The following CELF4 variants were observed in gnomAD, a reference collection of about 807,000 sequenced individuals.
The protein encoded by CELF4 is CUGBP Elav-like family member 4, also known as CUG-BP- and ETR-3-like factor 4.
Under a neutral mutation model 59.9 loss-of-function variants are expected in CELF4, and 18 were observed. The observed-to-expected ratio is 0.30, with a 90% confidence interval of 0.21 to 0.45. CELF4 has a LOEUF of 0.45. Ranked by LOEUF, CELF4 falls within the 20% of genes least tolerant of loss-of-function variation. CELF4 has a pLI of 1.00. For synonymous variants in CELF4, 261 were observed against 267.1 expected, an observed-to-expected ratio of 0.98 and a Z score of 0.22; for missense variants, 456 against 689.0, an observed-to-expected ratio of 0.66 and a Z score of 3.79.
chr18:37,494,029 GA>G (rs2099922022), intron 1 of CELF4, among the ~76,000 whole-genome samples: 1 of 152,146 alleles, frequency 6.6e-6, no homozygotes, highest in African/African-American at 2.4e-5. Context: ...AATCTCCCAG[GA>G]AAGGGACCAA....
intron 1 of CELF4, among the ~76,000 whole-genome samples, chr18:37,524,171 T>TGA (rs2099960828): frequency 6.6e-6 from 1 of 152,186 alleles, no homozygotes; most frequent in Admixed American, 6.5e-5. Flanking sequence ...GAATGAGTCA[T>TGA]ATCTGGTTGG....
chr18:37,510,579 CTTACAGAATGAAACTCGA>C (rs2099943111), intron 1 of CELF4, among the ~76,000 whole-genome samples: 1 of 152,352 alleles, frequency 6.6e-6, no homozygotes, highest in African/African-American at 2.4e-5. Flanking sequence ...GAGCTCTCCA[CTTACAGAATGAAACTCGA>C]CTTGCCCTTG....
intron 1 of CELF4, among the ~76,000 whole-genome samples, chr18:37,503,961 A>G (rs2154603991): frequency 6.6e-6 from 1 of 152,300 alleles, no homozygotes; most frequent in East Asian, 1.9e-4. Context: ...AACCAGATTC[A>G]GGGCCAAGAG....
chr18:37,272,976 C>G, intron 7 of CELF4, 40 bp downstream of exon 7: 1 of 1,571,078 alleles, frequency 6.4e-7, no homozygotes, highest in Non-Finnish European at 8.7e-7. Flanking sequence ...CAGCTGTTCT[C>G]CCACCGGGCC....
rs144937111 is a variant in CELF4 at position 37,434,939 on chromosome 18, G to A, written c.369+50586C>T. On this transcript the variant is annotated intron_variant, in intron 2 of 12. Coordinates refer to ENST00000420428, the MANE Select transcript of CELF4 (RefSeq NM_020180.4). ...GGCATCTTGTCTTCCCTATTGCAGG[G>A]GGAAATTCAGATCTTTTGACTACCC... 2.1e-3 allele frequency among the ~76,000 whole-genome samples: 319 copies of A among 152,246 alleles called. 5 individuals carry two copies. Among genetic ancestry groups the A allele is most frequent in the African/African-American group, 7.3e-3 (303 of 41,566 alleles).
intron 1 of CELF4, among the ~76,000 whole-genome samples, chr18:37,493,663 T>G (rs1603642604): frequency 2.1e-5 from 3 of 140,650 alleles, no homozygotes; most frequent in Non-Finnish European, 3.1e-5. Context: ...AGGGTGGGGG[T>G]GATGGGGACT....
chr18:37,417,246 T>C (rs571994878), intron 2 of CELF4, among the ~76,000 whole-genome samples: 91 of 151,360 alleles, frequency 6.0e-4, no homozygotes, highest in African/African-American at 2.1e-3. Flanking sequence ...GTCTGGGGGG[T>C]AAACATGCCC....
chr18:37,528,439 G>T (rs1481761410), intron 1 of CELF4, among the ~76,000 whole-genome samples: 3 of 152,296 alleles, frequency 2.0e-5, no homozygotes, highest in African/African-American at 7.2e-5. Context: ...TCTTATCGGT[G>T]GGGGGTCTGG....
At chr18:37,526,049 C>T (rs943349443) in intron 1 of CELF4, among the ~76,000 whole-genome samples, 2 of 152,206 alleles carry the variant, frequency 1.3e-5, no homozygotes, top group African/African-American at 4.8e-5. Flanking sequence ...TTGAGCACCA[C>T]TGACCTCAAT....
At chr18:37,371,456 G>A (rs2098876864) in intron 2 of CELF4, among the ~76,000 whole-genome samples, 2 of 152,198 alleles carry the variant, frequency 1.3e-5, no homozygotes, top group African/African-American at 2.4e-5. Context: ...GCCCTTTGTG[G>A]CCATCTTGCC....
At chr18:37,548,013 C>T (rs889376963) in intron 1 of CELF4, among the ~76,000 whole-genome samples, 1 of 151,496 alleles carries the variant, frequency 6.6e-6, no homozygotes, top group East Asian at 1.9e-4. Flanking sequence ...ATATGAATGC[C>T]TATTTCTGAG....
At chr18:37,327,142 G>T (rs553669198) in intron 2 of CELF4, among the ~76,000 whole-genome samples, 1 of 152,092 alleles carries the variant, frequency 6.6e-6, no homozygotes, top group Admixed American at 6.5e-5. Context: ...AGGCCAAGCT[G>T]CTCTTTCCTG....
intron 3 of CELF4, among the ~76,000 whole-genome samples, chr18:37,278,934 T>A (rs1306341738): frequency 6.6e-6 from 1 of 152,202 alleles, no homozygotes; most frequent in Non-Finnish European, 1.5e-5. Context: ...TCAAGCTGCA[T>A]CACATAACCA....
chr18:37,388,003 C>T (rs2099117531), intron 2 of CELF4, among the ~76,000 whole-genome samples: 1 of 151,932 alleles, frequency 6.6e-6, no homozygotes. Context: ...CCCTCTGTGG[C>T]CTTTATTGTC....
chr18:37,451,551 G>A (rs1191080545), intron 2 of CELF4, among the ~76,000 whole-genome samples: 1 of 152,176 alleles, frequency 6.6e-6, no homozygotes, highest in Admixed American at 6.5e-5. Flanking sequence ...GTATGTGTGT[G>A]TGTGTCTGTG....
intron 3 of CELF4, among the ~76,000 whole-genome samples, chr18:37,312,118 AAAAAAAAAAAAAG>A (rs2096684663): frequency 8.4e-6 from 1 of 119,228 alleles, no homozygotes; most frequent in Admixed American, 9.2e-5. Flanking sequence ...CTCAAAAAAA[AAAAAAAAAAAAAG>A]AAAAAAAAAA....
chr18:37,419,059 C>T (rs1373781485), intron 2 of CELF4, among the ~76,000 whole-genome samples: 1 of 152,180 alleles, frequency 6.6e-6, no homozygotes, highest in African/African-American at 2.4e-5. Flanking sequence ...GGGTGTCCAA[C>T]AGTGAACTCA....
intron 2 of CELF4, among the ~76,000 whole-genome samples, chr18:37,471,531 T>A (rs1160950263): frequency 6.6e-6 from 1 of 151,908 alleles, no homozygotes; most frequent in Non-Finnish European, 1.5e-5. Flanking sequence ...CTCACTGGAG[T>A]GACATCTGGA....
At chr18:37,281,014 G>C (rs975665585) in intron 3 of CELF4, among the ~76,000 whole-genome samples, 4 of 152,232 alleles carry the variant, frequency 2.6e-5, no homozygotes, top group African/African-American at 9.7e-5. Flanking sequence ...CCCTCCATGA[G>C]GGAGACAAAA....
Sources: gnomAD v4.1 joint callset for allele counts (sites outside exome capture counted in the v4.1 genomes callset) on GRCh38, gnomAD v4.1.1 for gene constraint, MANE v1.5 for transcripts, NCBI Gene and HGNC (gene_info 2026-07-23, HGNC 2026-07-21) for gene names.